Variants in WDR27 observed in about 807,000 individuals in gnomAD.
The protein encoded by WDR27 is WD repeat-containing protein 27.
Under a neutral mutation model 114.4 loss-of-function variants are expected in WDR27, and 100 were observed. The ratio of observed to expected loss-of-function variants is 0.87; its 90% CI spans 0.74 to 1.03. WDR27 has a LOEUF of 1.03. Ranked by LOEUF, WDR27 falls within the 50% of genes least tolerant of loss-of-function variation. The pLI is 0.00. For missense variants in WDR27, 1,129 were observed against 1,092.9 expected, an observed-to-expected ratio of 1.03 and a Z score of -0.47; for synonymous variants, 449 against 423.1, an observed-to-expected ratio of 1.06 and a Z score of -0.75.
intron 24 of WDR27, among the ~76,000 whole-genome samples, chr6:169,575,482 T>G (rs1802178577): frequency 1.3e-5 from 2 of 152,122 alleles, no homozygotes; most frequent in Non-Finnish European, 2.9e-5. Flanking sequence ...TAACATGTGT[T>G]TTATCCTCCT....
rs1457093187 is a variant in WDR27, at chr6:169,662,340, C to A, written c.989G>T (p.Cys330Phe). The A allele has an allele frequency of 6.2e-7, 1 of 1,613,978 alleles. No homozygotes were observed. Among genetic ancestry groups the A allele is most frequent in the African/African-American group, 1.3e-5 (1 of 75,066 alleles). ...VTFPVLRLAP[C>F]DLSLIPNSAC... ...AGAATTTGGGATGAGTGAGAGATCACAGGGTGCAAGTCTCAGTACAGGAAA... is the reference window on the plus strand; with the variant it reads ...AGAATTTGGGATGAGTGAGAGATCAAAGGGTGCAAGTCTCAGTACAGGAAA... The change falls in exon 9 of 26, where the codon TGT (cysteine) becomes TTT (phenylalanine). Residue 330 changes from cysteine to phenylalanine, a missense_variant. Transcript: ENST00000448612.
chr6:169,655,610 GATTC>G (rs1823927697), intron 13 of WDR27, among the ~76,000 whole-genome samples: 1 of 152,216 alleles, frequency 6.6e-6, no homozygotes, highest in African/African-American at 2.4e-5. Context: ...CATATGAGAA[GATTC>G]ATTGTGATGA....
At chr6:169,567,875 G>A (rs1800753910) in intron 25 of WDR27, among the ~76,000 whole-genome samples, 1 of 152,162 alleles carries the variant, frequency 6.6e-6, no homozygotes, top group African/African-American at 2.4e-5. Flanking sequence ...GAGTGAGAGC[G>A]GCGGTCCACT....
intron 6 of WDR27, chr6:169,666,364 C>T: frequency 1.0e-6 from 1 of 982,840 alleles, no homozygotes; most frequent in Non-Finnish European, 1.2e-6. Context: ...ATAACTCTAC[C>T]AGGTCACCAA....
Position 169,643,602 on chromosome 6 carries a change from G to A in WDR27, c.1747+95C>T, listed in dbSNP as rs1819730653. ...CATGGCTTTGGTTTGCTGATGTCCTGAAGGAAACAAAAGTGTCCTTTAGCA... is the reference window on the plus strand; with the variant it reads ...CATGGCTTTGGTTTGCTGATGTCCTAAAGGAAACAAAAGTGTCCTTTAGCA... On this transcript the variant is annotated intron_variant, in intron 17 of 25. Coordinates refer to ENST00000448612, the MANE Select transcript of WDR27 (RefSeq NM_182552.5). The A allele has an allele frequency of 2.9e-6, 3 of 1,033,128 alleles. No homozygotes were observed. In the South Asian group the frequency reaches 4.8e-5, roughly 17 times the overall value. The allele number at this position is 1,033,128 out of a possible 1,614,324, so 64.0% of individuals were successfully genotyped here. A position where few individuals can be genotyped will look rare whatever the true frequency, so the allele number is the denominator to read the frequency against.
At chr6:169,564,881 C>A (rs1800213622) in intron 25 of WDR27, among the ~76,000 whole-genome samples, 1 of 152,014 alleles carries the variant, frequency 6.6e-6, no homozygotes, top group African/African-American at 2.4e-5. Context: ...GTAATGAACG[C>A]CCGCGTCCTC....
chr6:169,588,732 G>C (rs1476542053), intron 23 of WDR27, among the ~76,000 whole-genome samples: 4 of 152,244 alleles, frequency 2.6e-5, no homozygotes, highest in Non-Finnish European at 5.9e-5. Flanking sequence ...GGCTGCTGCT[G>C]CTGGTCCAGG....
chr6:169,495,895 A>G (rs1259001138), intron 25 of WDR27, among the ~76,000 whole-genome samples: 1 of 152,124 alleles, frequency 6.6e-6, no homozygotes, highest in Non-Finnish European at 1.5e-5. Context: ...CTGGGGGAAA[A>G]AAAAACACTT....
chr6:169,470,834 T>A (rs1562458614), intron 25 of WDR27, among the ~76,000 whole-genome samples: 1 of 152,190 alleles, frequency 6.6e-6, no homozygotes, highest in Non-Finnish European at 1.5e-5. Flanking sequence ...ATTTGGTCCA[T>A]AGCACAAGAT....
the WDR27 span, among the ~76,000 whole-genome samples, chr6:169,427,325 TGACTG>T: frequency 6.6e-6 from 1 of 152,164 alleles, no homozygotes; most frequent in Non-Finnish European, 1.5e-5. Flanking sequence ...TAGAGTGTGA[TGACTG>T]GGCTGAGAGA....
chr6:169,513,998 T>G (rs1793289753), intron 25 of WDR27, among the ~76,000 whole-genome samples: 1 of 152,066 alleles, frequency 6.6e-6, no homozygotes, highest in East Asian at 1.9e-4. Context: ...GGACATACAA[T>G]TAGAGCAAAA....
At chr6:169,662,216 A>G in intron 9 of WDR27, 88 bp downstream of exon 9, 7 of 1,485,578 alleles carry the variant, frequency 4.7e-6, no homozygotes, top group Non-Finnish European at 6.4e-6. Context: ...GTTTTATCTC[A>G]GTCATTCTTA....
At chr6:169,698,301 C>T (rs75448678) in intron 1 of WDR27, among the ~76,000 whole-genome samples, 2 of 151,960 alleles carry the variant, frequency 1.3e-5, no homozygotes, top group African/African-American at 2.4e-5. Flanking sequence ...TCAGTGTACT[C>T]GGCTTTAATG....
At chr6:169,610,306 A>G (rs1810213136) in intron 22 of WDR27, among the ~76,000 whole-genome samples, 1 of 152,214 alleles carries the variant, frequency 6.6e-6, no homozygotes, top group African/African-American at 2.4e-5. Flanking sequence ...CACTGCTGAT[A>G]AAGACATACC....
At chr6:169,499,496 G>A (rs2997882) in intron 25 of WDR27, among the ~76,000 whole-genome samples, 3,616 of 152,332 alleles carry the variant, frequency 0.024, 54 homozygotes, top group Non-Finnish European at 0.035. Flanking sequence ...CCTGGAATAC[G>A]ATCAGAAAAG....
chr6:169,625,913 A>G (rs897407378), intron 21 of WDR27, among the ~76,000 whole-genome samples: 3 of 152,144 alleles, frequency 2.0e-5, no homozygotes, highest in Non-Finnish European at 2.9e-5. Context: ...GCCACCACAG[A>G]AGCCAACCAG....
chr6:169,646,373 C>A (rs1347233907), intron 16 of WDR27, among the ~76,000 whole-genome samples: 3 of 152,186 alleles, frequency 2.0e-5, no homozygotes, highest in African/African-American at 7.2e-5. Context: ...GGTCCTGGAG[C>A]CTGCCTCAAA....
At position 169,457,421 on chromosome 6, in the gene WDR27, T is replaced by G; in HGVS notation, c.*171A>C. ...AGCAGAAAGACATAAAACTCTGACA[T>G]GGCACACACAGAGGGGAGGAGCTTG... On this transcript the variant is annotated 3_prime_UTR_variant, in exon 26 of 26. Transcript: ENST00000448612. 1 of 522,454 alleles carries G rather than the reference T, an allele frequency of 1.9e-6. No homozygotes were observed. The allele number at this position is 522,454 out of a possible 1,614,324, so 32.4% of individuals were successfully genotyped here.
chr6:169,656,234 AT>A (rs1562833897), intron 13 of WDR27, among the ~76,000 whole-genome samples: 4 of 152,190 alleles, frequency 2.6e-5, no homozygotes. Flanking sequence ...TCAAAAACCA[AT>A]TAGGGAGGAG....
Sources: allele counts gnomAD v4.1 joint callset (sites outside exome capture counted in the v4.1 genomes callset), GRCh38; gene constraint gnomAD v4.1.1; transcripts MANE v1.5; gene names NCBI Gene and HGNC (gene_info 2026-07-23, HGNC 2026-07-21).